ADAMTS16: variants seen among roughly 807,000 people sequenced by gnomAD.
ADAMTS16 encodes the protein ADAM metallopeptidase with thrombospondin type 1 motif 16, also known as A disintegrin and metalloproteinase with thrombospondin motifs 16.
ADAMTS16 carries 94 observed loss-of-function variants against 145.8 expected under a neutral mutation model. The observed-to-expected ratio is 0.64, with a 90% confidence interval of 0.55 to 0.77. The LOEUF (loss-of-function observed/expected upper bound fraction) is 0.77, where lower values mean the gene tolerates loss of function less well. Ranked by LOEUF, ADAMTS16 falls within the 30% of genes least tolerant of loss-of-function variation. The pLI is 0.00. For synonymous variants in ADAMTS16, 659 were observed against 604.3 expected, an observed-to-expected ratio of 1.09 and a Z score of -1.33; for missense variants, 1,585 against 1,591.5, an observed-to-expected ratio of 1.00 and a Z score of 0.07.
intron 3 of ADAMTS16, among the ~76,000 whole-genome samples, chr5:5,150,316 A>C (rs1459099130): frequency 6.6e-6 from 1 of 152,218 alleles, no homozygotes; most frequent in Non-Finnish European, 1.5e-5. Flanking sequence ...AGAGGTTAGC[A>C]ACTTGTCTGA....
In ADAMTS16 at chr5:5,269,689, C is replaced by T. The variant is rs888990090; in HGVS notation, c.2789+6906C>T. 3.3e-5 allele frequency among the ~76,000 whole-genome samples: 5 copies of T among 152,174 alleles called. No homozygotes were observed. Among genetic ancestry groups the T allele is most frequent in the Admixed American group, 6.5e-5 (1 of 15,280 alleles). ...TTTTTTCCATATAAGTGACCCATTTCGCCCAGTGGTTCCTGTTGTTTTTCT... is the reference window on the plus strand; with the variant it reads ...TTTTTTCCATATAAGTGACCCATTTTGCCCAGTGGTTCCTGTTGTTTTTCT... On this transcript the variant is annotated intron_variant, in intron 18 of 22. Transcript: ENST00000274181. This position sits in a 1 kb window ranked among gnomAD's most constrained non-coding sequence, Gnocchi z 4.3.
chr5:5,312,797 G>A (rs1484815067), intron 21 of ADAMTS16, among the ~76,000 whole-genome samples: 2 of 152,142 alleles, frequency 1.3e-5, no homozygotes, highest in African/African-American at 4.8e-5. Flanking sequence ...TGTCTTTTGA[G>A]TCAGGTAAAG....
chr5:5,304,963 C>CCACA (rs139164157), intron 20 of ADAMTS16, among the ~76,000 whole-genome samples: 4 of 131,056 alleles, frequency 3.1e-5, no homozygotes, highest in Non-Finnish European at 6.3e-5. Flanking sequence ...ACATCCCACA[C>CCACA]CACACACACA....
chr5:5,198,156 G>A (rs985697273), intron 8 of ADAMTS16, among the ~76,000 whole-genome samples: 2 of 152,136 alleles, frequency 1.3e-5, no homozygotes, highest in East Asian at 1.9e-4. Flanking sequence ...TTTCTGGACC[G>A]TAATGTGTCT....
At chr5:5,235,901 A>G (rs540177584) in intron 13 of ADAMTS16, among the ~76,000 whole-genome samples, 1 of 152,340 alleles carries the variant, frequency 6.6e-6, no homozygotes, top group East Asian at 1.9e-4. Context: ...ATCTCAGTGC[A>G]TACAGTGTTT....
chr5:5,198,638 T>C (rs2126588437), intron 8 of ADAMTS16, among the ~76,000 whole-genome samples: 1 of 152,320 alleles, frequency 6.6e-6, no homozygotes, highest in East Asian at 1.9e-4. Context: ...GAATATAGGT[T>C]ACAAGCGTAC....
intron 21 of ADAMTS16, among the ~76,000 whole-genome samples, chr5:5,311,416 C>T (rs1224065859): frequency 2.0e-5 from 3 of 151,660 alleles, no homozygotes; most frequent in African/African-American, 7.3e-5. Flanking sequence ...AATCTTTTTT[C>T]GGTATTAGCT....
intron 11 of ADAMTS16, among the ~76,000 whole-genome samples, chr5:5,227,832 A>G (rs970779117): frequency 3.9e-5 from 6 of 152,192 alleles, no homozygotes; most frequent in Non-Finnish European, 8.8e-5. Context: ...TATCACAGCA[A>G]AAGACTGGAA....
intron 11 of ADAMTS16, among the ~76,000 whole-genome samples, chr5:5,231,510 A>C (rs1393680623): frequency 6.6e-6 from 1 of 151,670 alleles, no homozygotes; most frequent in Non-Finnish European, 1.5e-5. Context: ...AGGTCTCCCC[A>C]GCCCACAGAC....
intron 8 of ADAMTS16, among the ~76,000 whole-genome samples, chr5:5,192,765 A>C (rs1294708923): frequency 6.6e-6 from 1 of 152,180 alleles, no homozygotes; most frequent in Non-Finnish European, 1.5e-5. Flanking sequence ...TTATTTGTGG[A>C]AACTATTATT....
intron 11 of ADAMTS16, among the ~76,000 whole-genome samples, chr5:5,230,819 T>G (rs1736899020): frequency 6.6e-6 from 1 of 152,218 alleles, no homozygotes; most frequent in African/African-American, 2.4e-5. Flanking sequence ...ATAAACATCC[T>G]TGCTTTTGAG....
intron 8 of ADAMTS16, among the ~76,000 whole-genome samples, chr5:5,192,917 C>G (rs1297025806): frequency 6.6e-6 from 1 of 152,174 alleles, no homozygotes. Flanking sequence ...ACCAGAACCA[C>G]CAACTGGAAT....
rs1476913569 is a variant in ADAMTS16 at position 5,319,299 on chromosome 5, C to T, written c.*161C>T. 3.2e-6 allele frequency: 2 copies of T among 619,666 alleles called. No individual in the cohort carries two copies. The highest frequency in any genetic ancestry group is 5.8e-6 in the Non-Finnish European group (2 of 347,028). 38.4% of individuals were successfully genotyped at this position (619,666 alleles called of 1,614,324 possible). A position where few individuals can be genotyped will look rare whatever the true frequency, so the allele number is the denominator to read the frequency against. ...ACCAGGAGTGTATGTATGTGTTTCACTGTGAGCCTGGGTGCAGACCTGTGT... is the reference window on the plus strand; with the variant it reads ...ACCAGGAGTGTATGTATGTGTTTCATTGTGAGCCTGGGTGCAGACCTGTGT... On this transcript the variant is annotated 3_prime_UTR_variant, in exon 23 of 23. Coordinates refer to ENST00000274181, the MANE Select transcript of ADAMTS16 (RefSeq NM_139056.4).
chr5:5,202,233 A>G (rs986163012), intron 9 of ADAMTS16, among the ~76,000 whole-genome samples: 1 of 152,148 alleles, frequency 6.6e-6, no homozygotes, highest in African/African-American at 2.4e-5. Flanking sequence ...TTCCTCCTCC[A>G]AGGACTAAAG....
chr5:5,293,503 G>A (rs1211176132), intron 18 of ADAMTS16, among the ~76,000 whole-genome samples: 1 of 152,138 alleles, frequency 6.6e-6, no homozygotes, highest in African/African-American at 2.4e-5. Flanking sequence ...TGTCAGAAAA[G>A]AGCTGGCTGG....
Position 5,239,695 on chromosome 5 carries a change from G to T in ADAMTS16, c.2293G>T (p.Val765Phe). The T allele has an allele frequency of 6.2e-7, 1 of 1,614,038 alleles. No individual in the cohort carries two copies. The highest frequency in any genetic ancestry group is 1.1e-5 in the South Asian group (1 of 91,068). The change falls in exon 16 of 23, where the codon GTC (valine) becomes TTC (phenylalanine). Residue 765 changes from valine to phenylalanine, a missense_variant. Coordinates refer to ENST00000274181, the MANE Select transcript of ADAMTS16 (RefSeq NM_139056.4). ...HHHTNQYYHM[V>F]TIPSGARSIR... ...CCTTTATCTAGAGTATTATCACATGGTCACCATTCCTTCTGGAGCCCGGAG... is the reference window on the plus strand; with the variant it reads ...CCTTTATCTAGAGTATTATCACATGTTCACCATTCCTTCTGGAGCCCGGAG...
At position 5,189,952 on chromosome 5, in the gene ADAMTS16, G is replaced by C. The variant is rs752685416; in HGVS notation, c.1048-19G>C. On this transcript the variant is annotated intron_variant, in intron 6 of 22. Transcript: ENST00000274181. ...TCTCTTCATTATCATGGGGTCCTCG[G>C]TCCTTGTCTCTTGCACAGCCAGGAC... is the stretch of plus-strand genomic sequence containing the variant. 4.3e-6 allele frequency: 7 copies of C among 1,609,834 alleles called. No homozygotes were observed. The Admixed American group carries it at 1.2e-4, about 27-fold the overall frequency.
At chr5:5,240,043 T>G (rs1737240571) in intron 16 of ADAMTS16, 118 bp downstream of exon 16, 1 of 1,466,184 alleles carries the variant, frequency 6.8e-7, no homozygotes, top group Admixed American at 2.1e-5. Context: ...AAAAGAGTGA[T>G]CCATCCATAG....
chr5:5,193,638 G>GC (rs1205690991), intron 8 of ADAMTS16, among the ~76,000 whole-genome samples: 1 of 152,172 alleles, frequency 6.6e-6, no homozygotes, highest in African/African-American at 2.4e-5. Context: ...CCGACACAAG[G>GC]CCCTCAGTTG....
Sources: allele counts gnomAD v4.1 joint callset (sites outside exome capture counted in the v4.1 genomes callset), GRCh38; gene constraint gnomAD v4.1.1; non-coding constraint Gnocchi (gnomAD v3.1); transcripts MANE v1.5; gene names NCBI Gene and HGNC (gene_info 2026-07-23, HGNC 2026-07-21).